MRTFA: variants seen among roughly 807,000 people sequenced by gnomAD.
The protein encoded by MRTFA is myocardin-related transcription factor A.
Under a neutral mutation model 83.5 loss-of-function variants are expected in MRTFA, and 20 were observed. That is an observed-to-expected ratio of 0.24 (90% CI 0.17 to 0.35). The LOEUF (loss-of-function observed/expected upper bound fraction) is 0.35. MRTFA is among the 10% of genes least tolerant of loss of function. The pLI is 1.00. For missense variants in MRTFA, 1,200 were observed against 1,224.7 expected, an observed-to-expected ratio of 0.98 and a Z score of 0.30; for synonymous variants, 659 against 541.2, an observed-to-expected ratio of 1.22 and a Z score of -3.02.
chr22:40,420,109 C>T (rs1569253323), intron 11 of MRTFA, among the ~76,000 whole-genome samples: 1 of 152,238 alleles, frequency 6.6e-6, no homozygotes, highest in Non-Finnish European at 1.5e-5. Flanking sequence ...GCATGCAACA[C>T]GTAAGTCGAG....
chr22:40,514,511 G>C (rs1397913309), intron 3 of MRTFA, among the ~76,000 whole-genome samples: 5 of 140,416 alleles, frequency 3.6e-5, no homozygotes, highest in Non-Finnish European at 6.1e-5. Context: ...GTCTCACTCT[G>C]TCGCCCAGGC....
intron 3 of MRTFA, among the ~76,000 whole-genome samples, chr22:40,506,406 G>A (rs984462646): frequency 6.6e-6 from 1 of 152,150 alleles, no homozygotes; most frequent in Non-Finnish European, 1.5e-5. Context: ...TAGAAAATAA[G>A]ATTGTGCACA....
At chr22:40,518,751 TGCCACTGCACTCCA>T (rs1256294361) in intron 3 of MRTFA, among the ~76,000 whole-genome samples, 5 of 126,422 alleles carry the variant, frequency 4.0e-5, no homozygotes, top group Non-Finnish European at 7.8e-5. Context: ...GCCAAGATCA[TGCCACTGCACTCCA>T]GCCTGGGCGA....
intron 2 of MRTFA, chr22:40,587,224 A>G: frequency 2.1e-6 from 1 of 473,416 alleles, no homozygotes; most frequent in South Asian, 1.5e-5. Context: ...CAAGTGCCAC[A>G]CAATTGTCTA....
chr22:40,463,911 T>G (rs1351183301), intron 3 of MRTFA, among the ~76,000 whole-genome samples: 2 of 152,126 alleles, frequency 1.3e-5, no homozygotes, highest in Non-Finnish European at 2.9e-5. Flanking sequence ...TCAAAGCACA[T>G]CCGGGCTAGG....
chr22:40,566,687 G>A (rs1490867775), intron 2 of MRTFA, among the ~76,000 whole-genome samples: 1 of 152,114 alleles, frequency 6.6e-6, no homozygotes, highest in East Asian at 1.9e-4. Context: ...CAAACAATTA[G>A]CGGAGCATGG....
chr22:40,530,139 A>G (rs2055052426), intron 3 of MRTFA, among the ~76,000 whole-genome samples: 1 of 152,144 alleles, frequency 6.6e-6, no homozygotes, highest in South Asian at 2.1e-4. Context: ...AGATGGATAC[A>G]CCTTAGGGCC....
chr22:40,585,238 T>C (rs1179657101), intron 2 of MRTFA, among the ~76,000 whole-genome samples: 1 of 152,262 alleles, frequency 6.6e-6, no homozygotes, highest in Non-Finnish European at 1.5e-5. Context: ...CGATGATTAC[T>C]ACTTTAATTT....
intron 3 of MRTFA, among the ~76,000 whole-genome samples, chr22:40,500,647 C>T (rs1163556812): frequency 2.6e-5 from 4 of 151,642 alleles, no homozygotes; most frequent in African/African-American, 7.3e-5. Context: ...CATCTTGCAC[C>T]GCCCTTAATC....
intron 1 of MRTFA, among the ~76,000 whole-genome samples, chr22:40,634,327 A>G (rs949860215): frequency 6.6e-6 from 1 of 152,180 alleles, no homozygotes; most frequent in Non-Finnish European, 1.5e-5. Flanking sequence ...TCCTGGCCTC[A>G]AGTGATCCTC....
At chr22:40,522,727 T>G (rs552085831) in intron 3 of MRTFA, 4 of 152,324 alleles carry the variant, frequency 2.6e-5, no homozygotes, top group African/African-American at 7.2e-5. Flanking sequence ...GGTTTCATCA[T>G]GTTGGCCAGG....
chr22:40,507,307 G>A (rs962931562), intron 3 of MRTFA, among the ~76,000 whole-genome samples: 3 of 152,080 alleles, frequency 2.0e-5, no homozygotes, highest in Admixed American at 6.5e-5. Flanking sequence ...GCTGCAGTGA[G>A]CAGTGATTGC....
At chr22:40,491,978 T>C (rs1249937996) in intron 3 of MRTFA, among the ~76,000 whole-genome samples, 1 of 152,154 alleles carries the variant, frequency 6.6e-6, no homozygotes, top group Non-Finnish European at 1.5e-5. Flanking sequence ...AAGGCACAAA[T>C]ACTCGAACCT....
At chr22:40,600,754 C>T (rs912030620) in intron 1 of MRTFA, among the ~76,000 whole-genome samples, 9 of 152,026 alleles carry the variant, frequency 5.9e-5, no homozygotes, top group Non-Finnish European at 1.3e-4. Flanking sequence ...CCGAGGCAGG[C>T]GGATCACAAG....
intron 2 of MRTFA, among the ~76,000 whole-genome samples, chr22:40,579,976 T>C (rs2055922937): frequency 6.6e-6 from 1 of 152,144 alleles, no homozygotes; most frequent in African/African-American, 2.4e-5. Flanking sequence ...TGTGTAACAT[T>C]ACTGTGTTAA....
At chr22:40,578,209 C>T (rs1446193460) in intron 2 of MRTFA, among the ~76,000 whole-genome samples, 1 of 152,160 alleles carries the variant, frequency 6.6e-6, no homozygotes, top group Non-Finnish European at 1.5e-5. Context: ...CCACCTTGGC[C>T]TCCCAGAGTG....
intron 2 of MRTFA, among the ~76,000 whole-genome samples, chr22:40,589,489 A>T (rs571490390): frequency 6.6e-6 from 1 of 152,292 alleles, no homozygotes; most frequent in East Asian, 1.9e-4. Flanking sequence ...ATAACTCCAG[A>T]CCCCTCAGTA....
At chr22:40,629,273 G>A (rs1232816041) in intron 1 of MRTFA, among the ~76,000 whole-genome samples, 4 of 151,628 alleles carry the variant, frequency 2.6e-5, no homozygotes, top group South Asian at 2.1e-4. Flanking sequence ...GTGAAACCCC[G>A]TCTCTACCAA....
intron 4 of MRTFA, among the ~76,000 whole-genome samples, chr22:40,456,788 T>C (rs1481866167): frequency 1.3e-5 from 2 of 152,214 alleles, no homozygotes; most frequent in Non-Finnish European, 2.9e-5. Context: ...TATCATAAAA[T>C]AAGTTGAAGT....
Sources: gnomAD v4.1 joint callset for allele counts (sites outside exome capture counted in the v4.1 genomes callset) on GRCh38, gnomAD v4.1.1 for gene constraint, MANE v1.5 for transcripts, NCBI Gene and HGNC (gene_info 2026-07-23, HGNC 2026-07-21) for gene names.